ELAPOR1: variants seen among roughly 807,000 people sequenced by gnomAD.
ELAPOR1 encodes the protein endosome/lysosome-associated apoptosis and autophagy regulator 1.
In ELAPOR1, 77 loss-of-function variants were observed where a neutral mutation model predicts 119.7. The observed-to-expected ratio is 0.64, with a 90% CI of 0.54 to 0.78. ELAPOR1 has a LOEUF of 0.78. Among genes scored for constraint, ELAPOR1 ranks in the 30% least tolerant of loss-of-function variants. ELAPOR1 has a pLI of 0.00. For missense variants in ELAPOR1, 1,115 were observed against 1,270.4 expected, an observed-to-expected ratio of 0.88 and a Z score of 1.86; for synonymous variants, 481 against 487.2, an observed-to-expected ratio of 0.99 and a Z score of 0.17.
At chr1:109,137,630 C>T (rs1030542467) in intron 1 of ELAPOR1, among the ~76,000 whole-genome samples, 12 of 151,836 alleles carry the variant, frequency 7.9e-5, no homozygotes, top group Middle Eastern at 3.2e-3. Flanking sequence ...TGGGTTCAAG[C>T]GATTCTCCTG....
chr1:109,130,472 C>T (rs1260473656), intron 1 of ELAPOR1, among the ~76,000 whole-genome samples: 1 of 150,442 alleles, frequency 6.6e-6, no homozygotes, highest in Non-Finnish European at 1.5e-5. Flanking sequence ...GAAAGAATAG[C>T]ATATCAATAT....
At chr1:109,179,519 G>A (rs1315118757) in intron 7 of ELAPOR1, among the ~76,000 whole-genome samples, 1 of 152,106 alleles carries the variant, frequency 6.6e-6, no homozygotes. Context: ...ATCTAAGGCT[G>A]AGAAGCAGGC....
intron 1 of ELAPOR1, among the ~76,000 whole-genome samples, chr1:109,144,745 T>TA (rs1001551432): frequency 4.0e-5 from 6 of 150,904 alleles, no homozygotes; most frequent in Non-Finnish European, 5.9e-5. Context: ...TCCATCTCAA[T>TA]AAAAAAAAAG....
intron 1 of ELAPOR1, among the ~76,000 whole-genome samples, chr1:109,143,731 A>C (rs1445321603): frequency 6.6e-6 from 1 of 151,936 alleles, no homozygotes; most frequent in Non-Finnish European, 1.5e-5. Flanking sequence ...GTGCAGTGGG[A>C]CAAACACTGC....
At chr1:109,148,616 T>C (rs1422515128) in intron 1 of ELAPOR1, among the ~76,000 whole-genome samples, 1 of 152,188 alleles carries the variant, frequency 6.6e-6, no homozygotes, top group African/African-American at 2.4e-5. Context: ...CCCTGTCTGT[T>C]GAACTGGTTC....
Position 109,125,209 on chromosome 1 carries a change from G to T in ELAPOR1, c.153+10873G>T, listed in dbSNP as rs184995130. Among the ~76,000 whole-genome samples the T allele has an allele frequency of 3.0e-3, 451 of 151,974 alleles. 1 individual carries two copies. The highest frequency in any genetic ancestry group is 0.01 in the African/African-American group (433 of 41,428). On this transcript the variant is annotated intron_variant, in intron 1 of 21. Coordinates refer to ENST00000369939, the MANE Select transcript of ELAPOR1 (RefSeq NM_020775.5). ...CTCCCAAAGTGCTGGGAGTACAGGC[G>T]TGAGCCACCATGCCCAGCTGGTAAT... is the stretch of plus-strand genomic sequence containing the variant.
At chr1:109,145,785 A>AACTGGGACTGCAGTT (rs1258919599) in intron 1 of ELAPOR1, among the ~76,000 whole-genome samples, 6 of 152,196 alleles carry the variant, frequency 3.9e-5, no homozygotes, top group Non-Finnish European at 8.8e-5. Context: ...AGAGAGATGG[A>AACTGGGACTGCAGTT]ACTGGGACTG....
Position 109,114,302 on chromosome 1 carries a change from AG to A in ELAPOR1, c.122del (p.Gly41GlufsTer63), listed in dbSNP as rs1255860899. On this transcript the variant is annotated frameshift_variant, in exon 1 of 22. Coordinates refer to ENST00000369939, the MANE Select transcript of ELAPOR1 (RefSeq NM_020775.5). LOFTEE classifies it high-confidence loss of function. ...GCTGGGACCGCCTTCCAGGTGACCC[AG>A]GGAACGGGACCGGAGCTTCATGCCT... ...LWAGTAFQVTQGTGPELHACK... is the reference protein window; with the variant it reads ...LWAGTAFQVTXGTGPELHACK... The A allele has an allele frequency of 1.2e-6, 2 of 1,600,616 alleles. No individual in the cohort carries two copies. Among genetic ancestry groups the A allele is most frequent in the Non-Finnish European group, 1.7e-6 (2 of 1,173,854 alleles).
intron 1 of ELAPOR1, among the ~76,000 whole-genome samples, chr1:109,122,222 A>T (rs996442489): frequency 5.9e-5 from 9 of 151,678 alleles, no homozygotes; most frequent in African/African-American, 2.2e-4. Flanking sequence ...AGCGTGCACC[A>T]CCACACTCTG....
Position 109,203,021 on chromosome 1 carries a change from G to A in ELAPOR1, c.*9G>A. On this transcript the variant is annotated 3_prime_UTR_variant, in exon 22 of 22. Coordinates refer to ENST00000369939, the MANE Select transcript of ELAPOR1 (RefSeq NM_020775.5). The stretch of plus-strand genomic sequence containing the variant: ...TAGACATGGACCTGTGAGAGGCACT[G>A]CCTGCCTCACCTGCCTCCTCACCTT... The A allele has an allele frequency of 2.5e-6, 4 of 1,591,378 alleles. No homozygotes were observed. The highest frequency in any genetic ancestry group is 3.4e-6 in the Non-Finnish European group (4 of 1,160,600).
Position 109,191,459 on chromosome 1 carries a change from C to G in ELAPOR1, c.1533C>G (p.Leu511=). The G allele has an allele frequency of 4.3e-6, 7 of 1,613,724 alleles. No individual in the cohort carries two copies. The highest frequency in any genetic ancestry group is 5.9e-6 in the Non-Finnish European group (7 of 1,179,598). ...CCCTCTGTTCTGTGAACTGTGAGCT[C>G]TACTTCATGGTGGTACGTTTTCCTT... ...FETLCSVNCE[L]YFMVGVNSRT... is the part of the protein sequence containing the mutation. The change falls in exon 12 of 22, where the codon CTC becomes CTG. Residue 511 remains leucine, a synonymous_variant. Coordinates refer to ENST00000369939, the MANE Select transcript of ELAPOR1 (RefSeq NM_020775.5).
chr1:109,161,252 A>G (rs916894089), intron 1 of ELAPOR1, among the ~76,000 whole-genome samples: 3 of 151,868 alleles, frequency 2.0e-5, no homozygotes, highest in African/African-American at 7.3e-5. Context: ...TCTACTAAAA[A>G]TACAAAAATT....
chr1:109,183,594 T>TTCCCTCCATCCC (rs748531929), intron 7 of ELAPOR1, among the ~76,000 whole-genome samples: 1 of 122,998 alleles, frequency 8.1e-6, no homozygotes, highest in South Asian at 3.1e-4. Flanking sequence ...CCTTCCTTCC[T>TTCCCTCCATCCC]TCCTTCCTTC....
At chr1:109,183,602 T>C (rs28407078) in intron 7 of ELAPOR1, among the ~76,000 whole-genome samples, 538 of 9,266 alleles carry the variant, frequency 0.058, 19 homozygotes, top group East Asian at 0.25. Context: ...CCTTCCTTCC[T>C]TCCTTCCATC....
chr1:109,206,405 A>G lies in ELAPOR1; in HGVS notation c.*3393A>G, dbSNP rs1429105167. 1 of 152,244 alleles carries G rather than the reference A, an allele frequency of 6.6e-6. No individual in the cohort carries two copies. Among genetic ancestry groups the G allele is most frequent in the Non-Finnish European group, 1.5e-5 (1 of 68,052 alleles). The allele number at this position is 152,244 out of a possible 1,614,324, so 9.4% of individuals were successfully genotyped here. On this transcript the variant is annotated 3_prime_UTR_variant, in exon 22 of 22. Transcript: ENST00000369939. ...AGCTGTTGTTGGTAGAGGGAGTATG[A>G]TAAAATGTTTAAATCTCATTTGGTT...
At chr1:109,200,322 G>T (rs1363453572) in intron 20 of ELAPOR1, 85 bp downstream of exon 20, 2 of 1,492,000 alleles carry the variant, frequency 1.3e-6, no homozygotes, top group African/African-American at 1.4e-5. Flanking sequence ...AATTAATGGG[G>T]TTTTTCTCTG....
chr1:109,156,272 A>G (rs1650868088), intron 1 of ELAPOR1, among the ~76,000 whole-genome samples: 1 of 152,164 alleles, frequency 6.6e-6, no homozygotes, highest in African/African-American at 2.4e-5. Context: ...GAGGTTAGGC[A>G]TGTTCTCTAG....
At chr1:109,153,328 A>T (rs551594530) in intron 1 of ELAPOR1, among the ~76,000 whole-genome samples, 79 of 152,294 alleles carry the variant, frequency 5.2e-4, no homozygotes, top group African/African-American at 1.8e-3. Flanking sequence ...AAAGGAAATA[A>T]TTAGAGATAC....
chr1:109,179,928 A>G (rs945017042), intron 7 of ELAPOR1, among the ~76,000 whole-genome samples: 2 of 152,112 alleles, frequency 1.3e-5, no homozygotes, highest in East Asian at 3.9e-4. Context: ...ATTTTAAATG[A>G]AGGATTTCAG....
Sources: gnomAD v4.1 joint callset for allele counts (sites outside exome capture counted in the v4.1 genomes callset) on GRCh38, gnomAD v4.1.1 for gene constraint, MANE v1.5 for transcripts, NCBI Gene and HGNC (gene_info 2026-07-23, HGNC 2026-07-21) for gene names.